The following SLC45A4 variants were observed in gnomAD, a reference collection of about 807,000 sequenced individuals.
SLC45A4 encodes the protein polyamine-transporter SLC45A4.
SLC45A4 carries 32 observed loss-of-function variants against 63.7 expected under a neutral mutation model. The ratio of observed to expected loss-of-function variants is 0.50; its 90% CI spans 0.38 to 0.67. The LOEUF is 0.67. SLC45A4 is among the 30% of genes least tolerant of loss of function. SLC45A4 has a pLI of 0.00. For synonymous variants in SLC45A4, 535 were observed against 510.0 expected, an observed-to-expected ratio of 1.05 and a Z score of -0.66; for missense variants, 1,027 against 1,157.7, an observed-to-expected ratio of 0.89 and a Z score of 1.64.
intron 2 of SLC45A4, chr8:141,228,392 A>G (rs1042574387): frequency 1.3e-6 from 2 of 1,492,512 alleles, no homozygotes; most frequent in Non-Finnish European, 1.8e-6. Flanking sequence ...GCCAGACCCA[A>G]GCAGGACGCT....
rs1273774870 is a variant in SLC45A4, at chr8:141,207,262, C to T, written c.*4310G>A. On this transcript the variant is annotated 3_prime_UTR_variant, in exon 9 of 9. Coordinates refer to ENST00000517878, the MANE Select transcript of SLC45A4 (RefSeq NM_001286646.2). ...GTGTGCATGGAGGAAATCAGGGCGC[C>T]GCACAGCTGAACCCTGCGCAGGACA... 2 of 152,332 alleles carry T rather than the reference C, an allele frequency of 1.3e-5. No homozygotes were observed. Among genetic ancestry groups the T allele is most frequent in the African/African-American group, 2.4e-5 (1 of 41,432 alleles). The allele number at this position is 152,332 out of a possible 1,614,324, so 9.4% of individuals were successfully genotyped here.
In SLC45A4 at chr8:141,212,417, A is replaced by G. The variant is rs370119880; in HGVS notation, c.2081T>C (p.Val694Ala). The change falls in exon 8 of 9, where the codon GTC becomes GCC. Residue 694 changes from valine (V) to alanine (A), a missense_variant. Val to Ala is a moderately conservative substitution (Grantham distance 64). Coordinates refer to ENST00000517878, the MANE Select transcript of SLC45A4 (RefSeq NM_001286646.2). ...GVVDAVGTVRVIPMVASVGSF... is the reference protein window; with the variant it reads ...GVVDAVGTVRAIPMVASVGSF... Reference sequence around the variant, plus strand: ...GCCCACAGAGGCCACCATGGGGATGACGCGGACAGTCCCCACGGCGTCGAC... The same window carrying G: ...GCCCACAGAGGCCACCATGGGGATGGCGCGGACAGTCCCCACGGCGTCGAC... 1.2e-5 allele frequency: 19 copies of G among 1,613,684 alleles called. No individual in the cohort carries two copies. Among genetic ancestry groups the G allele is most frequent in the Admixed American group, 1.7e-5 (1 of 60,016 alleles).
intron 1 of SLC45A4, among the ~76,000 whole-genome samples, chr8:141,293,949 AAATGT>A (rs1563680198): frequency 2.2e-5 from 3 of 139,290 alleles, no homozygotes; most frequent in South Asian, 2.4e-4. Context: ...AAAAAAAAGT[AAATGT>A]AAAAAAAAAA....
At chr8:141,242,885 A>G (rs963556023) in intron 2 of SLC45A4, among the ~76,000 whole-genome samples, 6 of 152,194 alleles carry the variant, frequency 3.9e-5, no homozygotes, top group Non-Finnish European at 8.8e-5. Flanking sequence ...AGGCCACGCA[A>G]TGTGGTAGGA....
chr8:141,307,624 C>T (rs1044619487), intron 1 of SLC45A4, among the ~76,000 whole-genome samples: 3 of 152,082 alleles, frequency 2.0e-5, no homozygotes, highest in African/African-American at 4.8e-5. Flanking sequence ...TGGTGTATCG[C>T]TGGTTGAATT....
intron 2 of SLC45A4, chr8:141,224,890 T>C (rs2154614137): frequency 6.6e-6 from 1 of 152,404 alleles, no homozygotes; most frequent in Admixed American, 6.5e-5. Context: ...TATATGATCA[T>C]TTCTGTTGAC....
chr8:141,275,199 G>A (rs1050371184), intron 1 of SLC45A4, among the ~76,000 whole-genome samples: 1 of 152,206 alleles, frequency 6.6e-6, no homozygotes, highest in African/African-American at 2.4e-5. Flanking sequence ...AGTTCAGCGA[G>A]CAGCCCCTCA....
At chr8:141,301,911 C>T (rs1249274342) in intron 1 of SLC45A4, among the ~76,000 whole-genome samples, 1 of 150,280 alleles carries the variant, frequency 6.7e-6, no homozygotes, top group African/African-American at 2.5e-5. Flanking sequence ...GTAGCGAGCC[C>T]TGATCCCACC....
At chr8:141,238,454 C>G (rs957160058) in intron 2 of SLC45A4, among the ~76,000 whole-genome samples, 2 of 152,318 alleles carry the variant, frequency 1.3e-5, no homozygotes, top group African/African-American at 4.8e-5. Context: ...AACTCTGTCC[C>G]CACAAAACAT....
At chr8:141,241,571 GAAAAAA>G (rs943160010) in intron 2 of SLC45A4, among the ~76,000 whole-genome samples, 3 of 71,354 alleles carry the variant, frequency 4.2e-5, no homozygotes, top group Non-Finnish European at 1.3e-4. Context: ...TACAGTCAAA[GAAAAAA>G]AAAAGAAAAA....
intron 1 of SLC45A4, among the ~76,000 whole-genome samples, chr8:141,286,152 G>A (rs774641098): frequency 3.9e-4 from 59 of 152,346 alleles, no homozygotes; most frequent in Non-Finnish European, 6.8e-4. Flanking sequence ...GGCACAAGGG[G>A]AGACAGGCCT....
chr8:141,208,513 C>G lies in SLC45A4; in HGVS notation c.*3059G>C, dbSNP rs181306321. ...GAGGAGGGCTCAGTGGCCCTGCCTCCCCCCCGGGGACAGGACTGGACAGAG... is the reference window on the plus strand; with the variant it reads ...GAGGAGGGCTCAGTGGCCCTGCCTCGCCCCCGGGGACAGGACTGGACAGAG... On this transcript the variant is annotated 3_prime_UTR_variant, in exon 9 of 9. Transcript: ENST00000517878. 2.0e-5 allele frequency: 3 copies of G among 152,432 alleles called. No individual in the cohort carries two copies. Among genetic ancestry groups the G allele is most frequent in the Non-Finnish European group, 4.4e-5 (3 of 68,140 alleles). The allele number at this position is 152,432 out of a possible 1,614,324, so 9.4% of individuals were successfully genotyped here.
intron 1 of SLC45A4, among the ~76,000 whole-genome samples, chr8:141,293,080 G>C (rs1830417100): frequency 6.6e-6 from 1 of 152,198 alleles, no homozygotes; most frequent in Admixed American, 6.5e-5. Flanking sequence ...CCCTACTGAG[G>C]CTGGATGCGT....
At chr8:141,247,131 A>G (rs1423712261) in intron 2 of SLC45A4, among the ~76,000 whole-genome samples, 1 of 152,262 alleles carries the variant, frequency 6.6e-6, no homozygotes, top group East Asian at 1.9e-4. Context: ...ACCTTTAACC[A>G]GGCTGATCAA....
At chr8:141,222,934 G>C (rs1373366365) in intron 2 of SLC45A4, among the ~76,000 whole-genome samples, 1 of 152,202 alleles carries the variant, frequency 6.6e-6, no homozygotes, top group Admixed American at 6.5e-5. Context: ...CAGGGGACTT[G>C]AGATCTGTGC....
Position 141,215,650 on chromosome 8 carries a change from G to T in SLC45A4, c.1941+109C>A. The T allele has an allele frequency of 1.8e-6, 2 of 1,107,464 alleles. No individual in the cohort carries two copies. The highest frequency in any genetic ancestry group is 1.3e-6 in the Non-Finnish European group (1 of 757,448). The allele number at this position is 1,107,464 out of a possible 1,614,324, so 68.6% of individuals were successfully genotyped here. A position where few individuals can be genotyped will look rare whatever the true frequency, so the allele number is the denominator to read the frequency against. The stretch of plus-strand genomic sequence containing the variant: ...ATCTCAGAACCGGAGAGGAAGGAGG[G>T]CCATCTGTGTCGTGAACGTCCCCCC... On this transcript the variant is annotated intron_variant, in intron 7 of 8. Transcript: ENST00000517878. The surrounding 1 kb of genome is among the most constrained non-coding windows in gnomAD (Gnocchi z 4.3).
intron 1 of SLC45A4, among the ~76,000 whole-genome samples, chr8:141,305,234 T>C (rs1161377431): frequency 1.3e-5 from 2 of 152,208 alleles, no homozygotes; most frequent in African/African-American, 4.8e-5. Flanking sequence ...AAGGGGACCT[T>C]GTCTAGGAGC....
chr8:141,305,439 C>T (rs1274618068), intron 1 of SLC45A4, among the ~76,000 whole-genome samples: 1 of 152,220 alleles, frequency 6.6e-6, no homozygotes, highest in African/African-American at 2.4e-5. Context: ...GCGCCTTCGT[C>T]AGCATAATCA....
At position 141,211,318 on chromosome 8, in the gene SLC45A4, G is replaced by T. The variant is rs1825791490; in HGVS notation, c.*254C>A. On this transcript the variant is annotated 3_prime_UTR_variant, in exon 9 of 9. Transcript: ENST00000517878. ...GAGTCCTTCAGACGGGACGAGCGGG[G>T]TCACATGGCTGGGCGCAGACACACT... 1.7e-6 allele frequency: 2 copies of T among 1,195,860 alleles called. No homozygotes were observed. Among genetic ancestry groups the T allele is most frequent in the Non-Finnish European group, 2.3e-6 (2 of 884,036 alleles). The allele number at this position is 1,195,860 out of a possible 1,614,324, so 74.1% of individuals were successfully genotyped here. A position where few individuals can be genotyped will look rare whatever the true frequency, so the allele number is the denominator to read the frequency against.
Sources: gnomAD v4.1 joint callset for allele counts (sites outside exome capture counted in the v4.1 genomes callset) on GRCh38, gnomAD v4.1.1 for gene constraint, Gnocchi (gnomAD v3.1) non-coding constraint, MANE v1.5 for transcripts, NCBI Gene and HGNC (gene_info 2026-07-23, HGNC 2026-07-21) for gene names.